The following THSD7A variants were observed in gnomAD, a reference collection of about 807,000 sequenced individuals.
THSD7A encodes thrombospondin type-1 domain-containing protein 7A.
In THSD7A, 96 loss-of-function variants were observed where a neutral mutation model predicts 231.3. The observed-to-expected ratio is 0.41, with a 90% confidence interval of 0.35 to 0.49. The LOEUF (loss-of-function observed/expected upper bound fraction) is 0.49. THSD7A is among the 20% of genes least tolerant of loss of function. The pLI, the probability that THSD7A is intolerant of heterozygous loss-of-function variation, is 0.05. For synonymous variants in THSD7A, 940 were observed against 743.3 expected, an observed-to-expected ratio of 1.26 and a Z score of -4.30; for missense variants, 2,290 against 2,070.2, an observed-to-expected ratio of 1.11 and a Z score of -2.06.
intron 2 of THSD7A, among the ~76,000 whole-genome samples, chr7:11,604,851 G>T (rs1245180963): frequency 6.6e-6 from 1 of 152,046 alleles, no homozygotes; most frequent in Non-Finnish European, 1.5e-5. Context: ...AGTAAAGGCT[G>T]GAATTTATTT....
At chr7:11,429,327 T>C (rs1315219111) in intron 13 of THSD7A, among the ~76,000 whole-genome samples, 5 of 152,222 alleles carry the variant, frequency 3.3e-5, no homozygotes, top group Admixed American at 3.3e-4. Context: ...AAAATAACAG[T>C]TGAGCAGCTG....
chr7:11,382,431 G>T, intron 24 of THSD7A, 90 bp downstream of exon 24: 1 of 1,082,014 alleles, frequency 9.2e-7, no homozygotes, highest in Non-Finnish European at 1.4e-6. Context: ...TACTGAAAGA[G>T]TAACTTTGTT....
intron 17 of THSD7A, among the ~76,000 whole-genome samples, chr7:11,413,393 T>G (rs759681788): frequency 2.6e-5 from 4 of 151,974 alleles, no homozygotes; most frequent in Non-Finnish European, 5.9e-5. Flanking sequence ...TTCTCGGCCT[T>G]TAGGCGTTCT....
intron 1 of THSD7A, among the ~76,000 whole-genome samples, chr7:11,826,816 A>C (rs1338504433): frequency 3.9e-5 from 1 of 25,826 alleles, no homozygotes; most frequent in East Asian, 1.3e-3. Flanking sequence ...CTGTCTCAAA[A>C]AAAAAAAAAA....
intron 1 of THSD7A, among the ~76,000 whole-genome samples, chr7:11,648,637 C>CGT (rs3031455): frequency 0.017 from 2,383 of 141,118 alleles, 33 homozygotes; most frequent in Middle Eastern, 0.054. Context: ...TATTTTGTGG[C>CGT]GTGTGTGTGT....
At chr7:11,530,139 T>C (rs1788644377) in intron 6 of THSD7A, among the ~76,000 whole-genome samples, 4 of 152,292 alleles carry the variant, frequency 2.6e-5, no homozygotes, top group Admixed American at 1.3e-4. Flanking sequence ...AATGATAAAA[T>C]GCTGTGAGAG....
At chr7:11,807,033 T>C (rs1447655670) in intron 1 of THSD7A, among the ~76,000 whole-genome samples, 2 of 152,128 alleles carry the variant, frequency 1.3e-5, no homozygotes, top group Non-Finnish European at 2.9e-5. Flanking sequence ...TCTTTCTCTC[T>C]CACTTGTCTT....
intron 1 of THSD7A, among the ~76,000 whole-genome samples, chr7:11,737,309 A>C (rs988727412): frequency 2.0e-5 from 3 of 150,572 alleles, no homozygotes; most frequent in African/African-American, 7.3e-5. Flanking sequence ...GGTGGTGGTG[A>C]GGGATGAAAC....
In THSD7A at chr7:11,551,136, G is replaced by T. The variant is rs149386627; in HGVS notation, c.1454-8019C>A. 2.8e-3 allele frequency among the ~76,000 whole-genome samples: 419 copies of T among 152,168 alleles called. 4 individuals are homozygous for T. The highest frequency in any genetic ancestry group is 9.5e-3 in the African/African-American group (396 of 41,512). ...TAAGTTATCCTAGGATAACTGGCTA[G>T]TCATATGCTGAAAATTGAAACTCTA... On this transcript the variant is annotated intron_variant, in intron 4 of 27. Transcript: ENST00000423059.
rs118109970 is a variant in THSD7A at position 11,563,122 on chromosome 7, T to A, written c.1454-20005A>T. ...TTTGGAGATGTTCCTGTACTAAACT[T>A]GAATCATAGAAGTTTATTTCCTCTT... On this transcript the variant is annotated intron_variant, in intron 4 of 27. Coordinates refer to ENST00000423059, the MANE Select transcript of THSD7A (RefSeq NM_015204.3). Among the ~76,000 whole-genome samples the A allele has an allele frequency of 4.5e-4, 68 of 152,302 alleles. No individual in the cohort carries two copies. The East Asian group carries it at 0.013, about 28-fold the overall frequency.
At chr7:11,707,877 TC>T (rs1215132227) in intron 1 of THSD7A, among the ~76,000 whole-genome samples, 2 of 150,882 alleles carry the variant, frequency 1.3e-5, no homozygotes, top group African/African-American at 4.8e-5. Flanking sequence ...TTTTCTACTT[TC>T]TTTTTTTTTG....
intron 1 of THSD7A, among the ~76,000 whole-genome samples, chr7:11,697,340 G>A (rs1202875323): frequency 1.3e-5 from 2 of 151,196 alleles, no homozygotes; most frequent in South Asian, 2.1e-4. Context: ...ATGCCCAGAC[G>A]TCTTCACAAA....
At chr7:11,596,936 G>C (rs1358821922) in intron 2 of THSD7A, among the ~76,000 whole-genome samples, 3 of 152,228 alleles carry the variant, frequency 2.0e-5, no homozygotes. Context: ...GGCAAGGCCA[G>C]CAGTATACCT....
chr7:11,536,543 G>C (rs1256450281), intron 6 of THSD7A, among the ~76,000 whole-genome samples: 1 of 152,060 alleles, frequency 6.6e-6, no homozygotes, highest in African/African-American at 2.4e-5. Flanking sequence ...ATTTTGTTTT[G>C]CATACTATTG....
chr7:11,780,997 C>CCAAAAAAA (rs1783608228), intron 1 of THSD7A, among the ~76,000 whole-genome samples: 2 of 34,442 alleles, frequency 5.8e-5, no homozygotes, highest in Non-Finnish European at 1.1e-4. Flanking sequence ...GACTCCGTCT[C>CCAAAAAAA]AAAAAAAAAA....
chr7:11,433,271 A>G (rs1332104312), intron 13 of THSD7A, among the ~76,000 whole-genome samples: 2 of 152,012 alleles, frequency 1.3e-5, no homozygotes, highest in Non-Finnish European at 2.9e-5. Context: ...TCTGAGTTGA[A>G]ATATACTTCA....
intron 1 of THSD7A, among the ~76,000 whole-genome samples, chr7:11,773,767 G>T (rs567321857): frequency 1.2e-4 from 18 of 152,066 alleles, no homozygotes; most frequent in African/African-American, 4.1e-4. Context: ...AGTCAAATCA[G>T]GGTAATTGGG....
rs768638870 is a variant in THSD7A, at chr7:11,637,643, A to G, written c.191-682T>C. ...TGGGTAAGGGAATTTAAATGTAACTAAAAGACTTTTGCAATTTTCTAATCA... is the reference window on the plus strand; with the variant it reads ...TGGGTAAGGGAATTTAAATGTAACTGAAAGACTTTTGCAATTTTCTAATCA... On this transcript the variant is annotated intron_variant, in intron 1 of 27. Coordinates refer to ENST00000423059, the MANE Select transcript of THSD7A (RefSeq NM_015204.3). The surrounding 1 kb of genome is among the most constrained non-coding windows in gnomAD (Gnocchi z 4.2). Among the ~76,000 whole-genome samples the G allele has an allele frequency of 6.5e-4, 99 of 152,340 alleles. No individual in the cohort carries two copies. Among genetic ancestry groups the G allele is most frequent in the Non-Finnish European group, 1.1e-3 (78 of 68,026 alleles).
chr7:11,825,600 T>A (rs1402142954), intron 1 of THSD7A, among the ~76,000 whole-genome samples: 2 of 152,276 alleles, frequency 1.3e-5, no homozygotes, highest in Non-Finnish European at 1.5e-5. Context: ...AAACTATCAT[T>A]TACTGAACTT....
Sources: gnomAD v4.1 joint callset for allele counts (sites outside exome capture counted in the v4.1 genomes callset) on GRCh38, gnomAD v4.1.1 for gene constraint, Gnocchi (gnomAD v3.1) non-coding constraint, MANE v1.5 for transcripts, NCBI Gene and HGNC (gene_info 2026-07-23, HGNC 2026-07-21) for gene names.